Variants in UST observed in about 807,000 individuals in gnomAD.
The protein encoded by UST is chondroitin sulfate 2-O-sulfotransferase.
A neutral mutation model predicts 45.6 loss-of-function variants in UST; 21 were observed. The observed-to-expected ratio is 0.46, with a 90% CI of 0.33 to 0.66. The LOEUF is 0.66. UST is among the 30% of genes least tolerant of loss of function. The pLI is 0.02. For missense variants in UST, 463 were observed against 512.4 expected (o/e 0.90, Z 0.93); for synonymous variants, 215 against 200.6 (o/e 1.07, Z -0.61).
intron 7 of UST, among the ~76,000 whole-genome samples, chr6:149,038,692 C>T (rs1350755650): frequency 2.0e-5 from 3 of 152,178 alleles, no homozygotes; most frequent in Non-Finnish European, 4.4e-5. Context: ...AGGGTCCGTT[C>T]GCATTCAAAA....
At chr6:148,761,074 T>C (rs774265116) in intron 1 of UST, among the ~76,000 whole-genome samples, 6 of 152,204 alleles carry the variant, frequency 3.9e-5, no homozygotes, top group Non-Finnish European at 7.3e-5. Context: ...TGAGAATGAC[T>C]GCTCCTCCCA....
At chr6:148,850,062 G>T (rs1287904378) in intron 1 of UST, among the ~76,000 whole-genome samples, 1 of 152,132 alleles carries the variant, frequency 6.6e-6, no homozygotes, top group African/African-American at 2.4e-5. Context: ...TCACCTTGCT[G>T]GTTCCCTGGT....
intron 4 of UST, among the ~76,000 whole-genome samples, chr6:148,963,075 C>T (rs1347175185): frequency 4.6e-5 from 7 of 152,182 alleles, no homozygotes; most frequent in African/African-American, 1.7e-4. Context: ...GGGAGAGGCA[C>T]ACATTTCCAC....
At chr6:148,930,376 T>C (rs569391617) in intron 2 of UST, among the ~76,000 whole-genome samples, 1 of 152,302 alleles carries the variant, frequency 6.6e-6, no homozygotes, top group East Asian at 1.9e-4. Context: ...AAAAAGCAGA[T>C]GTGGCCCCTG....
chr6:149,071,001 C>T (rs1207111830), intron 7 of UST, among the ~76,000 whole-genome samples: 1 of 152,158 alleles, frequency 6.6e-6, no homozygotes, highest in African/African-American at 2.4e-5. Context: ...CTCTTGGCCT[C>T]GTGATCCACC....
rs1776822725 is a variant in UST, at chr6:148,790,495, C to T, written c.247+42818C>T. Among the ~76,000 whole-genome samples, 1 of 152,134 alleles carries T rather than the reference C, an allele frequency of 6.6e-6. No individual in the cohort carries two copies. The highest frequency in any genetic ancestry group is 2.4e-5 in the African/African-American group (1 of 41,428). The stretch of plus-strand genomic sequence containing the variant: ...GCGAATCTGATTTTGAAGTCCGTGC[C>T]CTGAATCACCTCCACGTCCCACCTT... On this transcript the variant is annotated intron_variant, in intron 1 of 7. Transcript: ENST00000367463. This position sits in a 1 kb window ranked among gnomAD's most constrained non-coding sequence, Gnocchi z 4.2.
intron 5 of UST, among the ~76,000 whole-genome samples, chr6:148,968,946 G>A (rs1244869821): frequency 1.3e-5 from 2 of 152,214 alleles, no homozygotes; most frequent in African/African-American, 4.8e-5. Context: ...GGAAAGTAAT[G>A]CATGTTTAAA....
chr6:149,003,444 C>CAA (rs59560602), intron 5 of UST, among the ~76,000 whole-genome samples: 1 of 140,646 alleles, frequency 7.1e-6, no homozygotes, highest in South Asian at 2.2e-4. Flanking sequence ...AAAAACAAAA[C>CAA]AAAAAAAAAA....
intron 7 of UST, among the ~76,000 whole-genome samples, chr6:149,067,656 C>G (rs1263388104): frequency 6.6e-6 from 1 of 152,098 alleles, no homozygotes; most frequent in Non-Finnish European, 1.5e-5. Context: ...GAAAGGCTAC[C>G]TGGGATCTTA....
At chr6:148,936,129 T>C (rs1220049444) in intron 2 of UST, among the ~76,000 whole-genome samples, 3 of 152,262 alleles carry the variant, frequency 2.0e-5, no homozygotes, top group African/African-American at 7.2e-5. Flanking sequence ...TGTGTCACTC[T>C]AGCTTTGTGA....
At chr6:148,825,789 T>A (rs558673642) in intron 1 of UST, among the ~76,000 whole-genome samples, 1 of 152,216 alleles carries the variant, frequency 6.6e-6, no homozygotes, top group Non-Finnish European at 1.5e-5. Flanking sequence ...TGTTTTCCCA[T>A]GGTGGGGGGA....
intron 1 of UST, among the ~76,000 whole-genome samples, chr6:148,872,154 G>A (rs1390896808): frequency 1.3e-5 from 2 of 152,118 alleles, no homozygotes; most frequent in Non-Finnish European, 2.9e-5. Context: ...TTGGATTAAA[G>A]CCCCCTTTCA....
At chr6:148,804,453 G>A (rs928009910) in intron 1 of UST, among the ~76,000 whole-genome samples, 4 of 152,134 alleles carry the variant, frequency 2.6e-5, no homozygotes, top group Admixed American at 1.3e-4. Flanking sequence ...TGACTGCAGT[G>A]CCACATGCAA....
At chr6:148,838,899 GGGGCCCCCAGCA>G (rs1777840830) in intron 1 of UST, among the ~76,000 whole-genome samples, 2 of 152,110 alleles carry the variant, frequency 1.3e-5, no homozygotes, top group African/African-American at 4.8e-5. Flanking sequence ...CCAAAATAAA[GGGGCCCCCAGCA>G]GGTCCCCTGA....
chr6:148,848,626 G>A (rs1049188924), intron 1 of UST, among the ~76,000 whole-genome samples: 5 of 147,878 alleles, frequency 3.4e-5, no homozygotes, highest in Admixed American at 6.8e-5. Context: ...AGCCGAGATC[G>A]CACCACTGCA....
intron 1 of UST, among the ~76,000 whole-genome samples, chr6:148,765,267 T>A (rs1366534475): frequency 6.6e-6 from 1 of 152,166 alleles, no homozygotes; most frequent in African/African-American, 2.4e-5. Flanking sequence ...TTACGATCAG[T>A]TGGTTGTAGG....
intron 5 of UST, 145 bp downstream of exon 5, chr6:148,964,708 G>C (rs1352366034): frequency 1.4e-5 from 15 of 1,039,990 alleles, no homozygotes; most frequent in Non-Finnish European, 1.9e-5. Flanking sequence ...CCGCAGGAAG[G>C]AGGTCTTGGC....
At chr6:149,060,794 C>T (rs1776642839) in intron 7 of UST, among the ~76,000 whole-genome samples, 1 of 152,122 alleles carries the variant, frequency 6.6e-6, no homozygotes, top group Admixed American at 6.5e-5. Context: ...GTTTCTTAGA[C>T]AGGGCGCTTC....
intron 1 of UST, among the ~76,000 whole-genome samples, chr6:148,878,785 G>A (rs1778771173): frequency 6.6e-6 from 1 of 151,572 alleles, no homozygotes; most frequent in African/African-American, 2.4e-5. Flanking sequence ...TGAGTGTGGG[G>A]ATCAGGTATG....
Sources: allele counts gnomAD v4.1 joint callset (sites outside exome capture counted in the v4.1 genomes callset), GRCh38; gene constraint gnomAD v4.1.1; non-coding constraint Gnocchi (gnomAD v3.1); transcripts MANE v1.5; gene names NCBI Gene and HGNC (gene_info 2026-07-23, HGNC 2026-07-21).